The following TMOD3 variants were observed in gnomAD, a reference collection of about 807,000 sequenced individuals.
TMOD3 encodes the protein tropomodulin 3, also known as tropomodulin-3.
TMOD3 carries 20 observed loss-of-function variants against 39.2 expected under a neutral mutation model. That is an observed-to-expected ratio of 0.51 (90% CI 0.36 to 0.74). The LOEUF (loss-of-function observed/expected upper bound fraction) is 0.74, where lower values mean the gene tolerates loss of function less well. Among genes scored for constraint, TMOD3 ranks in the 30% least tolerant of loss-of-function variants. TMOD3 has a pLI of 0.00. For missense variants in TMOD3, 381 were observed against 412.8 expected, an observed-to-expected ratio of 0.92 and a Z score of 0.67; for synonymous variants, 143 against 145.8, an observed-to-expected ratio of 0.98 and a Z score of 0.14.
Position 51,913,615 on chromosome 15 carries a change from A to G in TMOD3, c.*4805A>G, listed in dbSNP as rs913687649. 6.6e-6 allele frequency: 1 copy of G among 152,230 alleles called. No individual in the cohort carries two copies. The highest frequency in any genetic ancestry group is 1.5e-5 in the Non-Finnish European group (1 of 68,040). 9.4% of individuals were successfully genotyped at this position (152,230 alleles called of 1,614,324 possible). ...ACATATTTTATTAATTTTAAACTCT[A>G]TCTTGCAGTCTGATCATTCAGAAAG... On this transcript the variant is annotated 3_prime_UTR_variant, in exon 10 of 10. Transcript: ENST00000308580.
At chr15:51,851,541 T>C (rs1031598139) in intron 1 of TMOD3, among the ~76,000 whole-genome samples, 13 of 152,234 alleles carry the variant, frequency 8.5e-5, no homozygotes, top group Non-Finnish European at 1.8e-4. Context: ...TTATTATGGG[T>C]TTGTTCATAA....
chr15:51,908,113 A>G (rs796642329), intron 9 of TMOD3, among the ~76,000 whole-genome samples: 15 of 152,374 alleles, frequency 9.8e-5, no homozygotes, highest in African/African-American at 3.6e-4. Context: ...TGTTTTTGGT[A>G]TATTCTTTTA....
chr15:51,834,720 A>G (rs1030281154), intron 1 of TMOD3, among the ~76,000 whole-genome samples: 1 of 152,144 alleles, frequency 6.6e-6, no homozygotes, highest in African/African-American at 2.4e-5. Context: ...AATCCCAGCT[A>G]CTTGGGGGGC....
At chr15:51,896,932 G>A (rs1489294937) in intron 7 of TMOD3, among the ~76,000 whole-genome samples, 1 of 152,198 alleles carries the variant, frequency 6.6e-6, no homozygotes, top group Non-Finnish European at 1.5e-5. Flanking sequence ...TGTGTCTCTT[G>A]AGATGTTCAT....
intron 3 of TMOD3, among the ~76,000 whole-genome samples, chr15:51,886,691 AGAGAGG>A (rs916443743): frequency 2.0e-5 from 3 of 150,374 alleles, no homozygotes; most frequent in African/African-American, 7.3e-5. Context: ...ACCTTGGGAG[AGAGAGG>A]GAGAGGGAGA....
intron 2 of TMOD3, among the ~76,000 whole-genome samples, chr15:51,863,282 A>G (rs1462117213): frequency 6.6e-6 from 1 of 152,220 alleles, no homozygotes; most frequent in Non-Finnish European, 1.5e-5. Context: ...TCCTCTGTGC[A>G]GGAAGGGATA....
intron 1 of TMOD3, among the ~76,000 whole-genome samples, chr15:51,858,744 A>G (rs2056400832): frequency 6.6e-6 from 1 of 152,218 alleles, no homozygotes; most frequent in South Asian, 2.1e-4. Context: ...AGAGATACTC[A>G]TACTTGAACT....
At position 51,893,744 on chromosome 15, in the gene TMOD3, G is replaced by C. The variant is rs538408575; in HGVS notation, c.497-71G>C. ...CGTGCCACTGCACTCCGGCCTGGGC[G>C]AAAGTGCGAGACTCCGTCTCAAAAA... On this transcript the variant is annotated intron_variant, in intron 5 of 9. Transcript: ENST00000308580. 1.1e-4 allele frequency: 144 copies of C among 1,368,770 alleles called. No individual in the cohort carries two copies. The South Asian group carries it at 2.7e-3, about 26-fold the overall frequency. 84.8% of individuals were successfully genotyped at this position (1,368,770 alleles called of 1,614,324 possible). A position where few individuals can be genotyped will look rare whatever the true frequency, so the allele number is the denominator to read the frequency against.
At chr15:51,871,845 TG>T (rs1477862146) in intron 3 of TMOD3, among the ~76,000 whole-genome samples, 4 of 152,232 alleles carry the variant, frequency 2.6e-5, no homozygotes, top group Admixed American at 2.0e-4. Flanking sequence ...TAAGAATAAA[TG>T]GAAGTAGTTG....
chr15:51,893,838 C>A lies in TMOD3; in HGVS notation c.520C>A (p.Leu174Ile), dbSNP rs980793575. 1.9e-6 allele frequency: 3 copies of A among 1,605,692 alleles called. No individual in the cohort carries two copies. In the African/African-American group the frequency reaches 4.0e-5, roughly 22 times the overall value. ...AGATGTGGTCAAAGGTGAAAAGATT[C>A]TTCCGGTATTTGATGAGCCACCAAA... ...FSNVVKGEKILPVFDEPPNPT... is the reference protein window; with the variant it reads ...FSNVVKGEKIIPVFDEPPNPT... Residue 174 changes from leucine to isoleucine, a missense_variant, in exon 6 of 10, where the codon CTT becomes ATT. Physicochemically the swap from Leu to Ile is conservative, Grantham distance 5 (BLOSUM62 2). Coordinates refer to ENST00000308580, the MANE Select transcript of TMOD3 (RefSeq NM_014547.5).
intron 1 of TMOD3, among the ~76,000 whole-genome samples, chr15:51,839,908 T>C (rs1466497142): frequency 6.6e-6 from 1 of 152,208 alleles, no homozygotes; most frequent in Non-Finnish European, 1.5e-5. Context: ...ACAACTTTAC[T>C]GACTCCGCTC....
chr15:51,842,260 C>A (rs747023541), intron 1 of TMOD3, among the ~76,000 whole-genome samples: 1 of 152,218 alleles, frequency 6.6e-6, no homozygotes, highest in Non-Finnish European at 1.5e-5. Context: ...TCTCCCCTTA[C>A]TTTACTGGAC....
chr15:51,887,737 T>C (rs776812748), intron 4 of TMOD3, 26 bp downstream of exon 4: 4 of 1,613,018 alleles, frequency 2.5e-6, no homozygotes, highest in Non-Finnish European at 3.4e-6. Context: ...AGTTAATTTG[T>C]GAATAAGTGT....
chr15:51,875,954 T>G (rs2056500923), intron 3 of TMOD3, among the ~76,000 whole-genome samples: 1 of 152,140 alleles, frequency 6.6e-6, no homozygotes, highest in Non-Finnish European at 1.5e-5. Flanking sequence ...AATCTTGTAC[T>G]CTGAGGCTTT....
chr15:51,831,672 G>T (rs1472549014), intron 1 of TMOD3, among the ~76,000 whole-genome samples: 1 of 152,066 alleles, frequency 6.6e-6, no homozygotes, highest in African/African-American at 2.4e-5. Context: ...ACTCTAACAA[G>T]AACAATTGTC....
At chr15:51,849,670 C>G (rs1255514534) in intron 1 of TMOD3, among the ~76,000 whole-genome samples, 1 of 152,182 alleles carries the variant, frequency 6.6e-6, no homozygotes, top group African/African-American at 2.4e-5. Flanking sequence ...GTGGCTCCTG[C>G]CTGTAATCCC....
intron 1 of TMOD3, among the ~76,000 whole-genome samples, chr15:51,862,349 C>T (rs1042247066): frequency 1.3e-5 from 2 of 151,994 alleles, no homozygotes; most frequent in African/African-American, 2.4e-5. Flanking sequence ...GGCAAGAGAC[C>T]ACTCCTGTCA....
At chr15:51,905,102 G>A (rs540129594) in intron 9 of TMOD3, among the ~76,000 whole-genome samples, 1 of 152,336 alleles carries the variant, frequency 6.6e-6, no homozygotes, top group African/African-American at 2.4e-5. Flanking sequence ...TATGCTGATG[G>A]CAGCCTGTGG....
intron 6 of TMOD3, among the ~76,000 whole-genome samples, chr15:51,894,840 A>G (rs1790151946): frequency 6.6e-6 from 1 of 152,148 alleles, no homozygotes; most frequent in Non-Finnish European, 1.5e-5. Flanking sequence ...CTTTTCACAC[A>G]CAGGTTTTTG....
Sources: allele counts gnomAD v4.1 joint callset (sites outside exome capture counted in the v4.1 genomes callset), GRCh38; gene constraint gnomAD v4.1.1; transcripts MANE v1.5; gene names NCBI Gene and HGNC (gene_info 2026-07-23, HGNC 2026-07-21).